The following CABP4 variants were observed in gnomAD, a reference collection of about 807,000 sequenced individuals.
CABP4 encodes the protein calcium-binding protein 4.
CABP4 carries 30 observed loss-of-function variants against 30.7 expected under a neutral mutation model. That is an observed-to-expected ratio of 0.98 (90% CI 0.73 to 1.33). The LOEUF (loss-of-function observed/expected upper bound fraction) is 1.33. Ranked by LOEUF, CABP4 falls within the 40% of genes most tolerant of loss-of-function variation. The pLI, the probability that CABP4 is intolerant of heterozygous loss-of-function variation, is 0.00. For synonymous variants in CABP4, 161 were observed against 159.2 expected, an observed-to-expected ratio of 1.01 and a Z score of -0.08; for missense variants, 424 against 395.5, an observed-to-expected ratio of 1.07 and a Z score of -0.61.
chr11:67,458,485 G>A lies in CABP4; in HGVS notation c.766G>A (p.Asp256Asn). 6.2e-7 allele frequency: 1 copy of A among 1,613,996 alleles called. No homozygotes were observed. Among genetic ancestry groups the A allele is most frequent in the Non-Finnish European group, 8.5e-7 (1 of 1,179,994 alleles). Residue 256 changes from aspartate to asparagine, a missense_variant, in exon 5 of 6, where the codon GAC (aspartate) becomes AAC (asparagine). By Grantham distance (23) the Asp-to-Asn change is conservative. Coordinates refer to ENST00000325656, the MANE Select transcript of CABP4 (RefSeq NM_145200.5). ...GCTGGACGAGATGCTCCGAGAAGTG[G>A]ACCTCAATGGGGATGGCACCGTAGA... The part of the protein sequence containing the change: ...PELDEMLREV[D>N]LNGDGTVDFD...
At chr11:67,455,248 G>T, upstream of CABP4, 1 of 837,852 alleles carries the variant, frequency 1.2e-6, no homozygotes. Context: ...GGCCAGCCCT[G>T]GGGCAGAGGA....
In CABP4 at chr11:67,457,589, C is replaced by A. The variant is rs768544037; in HGVS notation, c.558C>A (p.Asp186Glu). The change falls in exon 4 of 6, where the codon GAC becomes GAA. Residue 186 changes from aspartate to glutamate, a missense_variant. Coordinates refer to ENST00000325656, the MANE Select transcript of CABP4 (RefSeq NM_145200.5). ...HIKMRMGGRV[D>E]FEEFVELIGP... The stretch of plus-strand genomic sequence containing the variant: ...GGTCTGCAGTGGGCGGCCGTGTGGA[C>A]TTTGAGGAGTTTGTAGAACTGATAG... The A allele has an allele frequency of 6.3e-7, 1 of 1,596,418 alleles. No individual in the cohort carries two copies. Among genetic ancestry groups the A allele is most frequent in the Non-Finnish European group, 8.5e-7 (1 of 1,171,486 alleles).
chr11:67,456,332 A>G lies in CABP4; in HGVS notation c.431A>G (p.Asp144Gly). The change falls in exon 3 of 6, where the codon GAC becomes GGC. Residue 144 changes from aspartate (D) to glycine (G), a missense_variant. By Grantham distance (94) the Asp-to-Gly change is moderately conservative. Transcript: ENST00000325656. The stretch of plus-strand genomic sequence containing the variant: ...GCCGCCTTCGAGGAGTTTGACACTG[A>G]CCGTGACGGCTACATCAGCCACCGG... ...LQAAFEEFDTDRDGYISHREL... is the reference protein window; with the variant it reads ...LQAAFEEFDTGRDGYISHREL... 6.2e-7 allele frequency: 1 copy of G among 1,613,532 alleles called. No individual in the cohort carries two copies. The highest frequency in any genetic ancestry group is 8.5e-7 in the Non-Finnish European group (1 of 1,179,936).
chr11:67,457,615 GCCCAA>G lies in CABP4; in HGVS notation c.585_589del (p.Pro196AlafsTer22). 6.2e-7 allele frequency: 1 copy of G among 1,605,398 alleles called. No individual in the cohort carries two copies. The highest frequency in any genetic ancestry group is 1.1e-5 in the South Asian group (1 of 89,240). Reference sequence around the variant, plus strand: ...TTTGAGGAGTTTGTAGAACTGATAGGCCCAAAGCTGAGGGAGGAGACGGCGCACAT... The same window carrying G: ...TTTGAGGAGTTTGTAGAACTGATAGGAGCTGAGGGAGGAGACGGCGCACAT... On this transcript the variant is annotated frameshift_variant, in exon 4 of 6. Coordinates refer to ENST00000325656, the MANE Select transcript of CABP4 (RefSeq NM_145200.5). LOFTEE classifies it high-confidence loss of function.
At chr11:67,457,088 G>A (rs910844848) in intron 3 of CABP4, among the ~76,000 whole-genome samples, 10 of 152,224 alleles carry the variant, frequency 6.6e-5, no homozygotes, top group African/African-American at 2.4e-4. Context: ...TGTCCCCAAA[G>A]CTGTTGGGTG....
rs2135182082 is a variant in CABP4, at chr11:67,457,470, A to G, written c.542-103A>G. ...GGCGTGGACACGGGTGTTTCTTCCTAGGTGCAGAGCCTGGGGGTGGGGGTG... is the reference window on the plus strand; with the variant it reads ...GGCGTGGACACGGGTGTTTCTTCCTGGGTGCAGAGCCTGGGGGTGGGGGTG... On this transcript the variant is annotated intron_variant, in intron 3 of 5. Coordinates refer to ENST00000325656, the MANE Select transcript of CABP4 (RefSeq NM_145200.5). 6 of 961,432 alleles carry G rather than the reference A, an allele frequency of 6.2e-6. No individual in the cohort carries two copies. The South Asian group carries it at 7.0e-5, about 11-fold the overall frequency. The allele number at this position is 961,432 out of a possible 1,614,324, so 59.6% of individuals were successfully genotyped here.
In CABP4 at chr11:67,458,452, G is replaced by A. The variant is rs1217450312; in HGVS notation, c.733G>A (p.Gly245Ser). ...VPALLGEPLA[G>S]PELDEMLREV... Reference sequence around the variant, plus strand: ...GGCTCTGCTCGGGGAGCCGCTGGCGGGTCCTGAGCTGGACGAGATGCTCCG... The same window carrying A: ...GGCTCTGCTCGGGGAGCCGCTGGCGAGTCCTGAGCTGGACGAGATGCTCCG... Residue 245 changes from glycine to serine, a missense_variant, in exon 5 of 6, where the codon GGT becomes AGT. Coordinates refer to ENST00000325656, the MANE Select transcript of CABP4 (RefSeq NM_145200.5). 6.2e-7 allele frequency: 1 copy of A among 1,613,990 alleles called. No homozygotes were observed. Among genetic ancestry groups the A allele is most frequent in the East Asian group, 2.2e-5 (1 of 44,874 alleles).
chr11:67,455,004 C>T (rs771677931), upstream of CABP4, among the ~76,000 whole-genome samples: 1 of 152,246 alleles, frequency 6.6e-6, no homozygotes, highest in Non-Finnish European at 1.5e-5. Flanking sequence ...CTTCCCTGGT[C>T]CTCTCTGCCT....
At chr11:67,456,530 C>A (rs56769021) in intron 3 of CABP4, 88 bp downstream of exon 3, 4 of 1,521,706 alleles carry the variant, frequency 2.6e-6, no homozygotes, top group East Asian at 4.6e-5. Context: ...GGGAGTCCAT[C>A]GGGGTGCTAG....
Position 67,459,189 on chromosome 11 carries a change from G to C in CABP4, c.*530G>C, listed in dbSNP as rs866365965. On this transcript the variant is annotated 3_prime_UTR_variant, in exon 6 of 6. Transcript: ENST00000325656. ...CTGAGACCCCATTCTCCACAAAAAG[G>C]AAAAATAAAAGACAAAAAAACAAAC... The C allele has an allele frequency of 1.3e-5, 2 of 153,272 alleles. No individual in the cohort carries two copies. Among genetic ancestry groups the C allele is most frequent in the East Asian group, 3.8e-4 (2 of 5,218 alleles). The allele number at this position is 153,272 out of a possible 1,614,324, so 9.5% of individuals were successfully genotyped here. A position where few individuals can be genotyped will look rare whatever the true frequency, so the allele number is the denominator to read the frequency against.
chr11:67,452,454 T>C, upstream of CABP4: 1 of 1,612,254 alleles, frequency 6.2e-7, no homozygotes, highest in East Asian at 2.2e-5. Context: ...CCATGCCGGA[T>C]CTCTAGGATC....
chr11:67,455,967 C>A, intron 1 of CABP4, 178 bp downstream of exon 1: 2 of 1,151,512 alleles, frequency 1.7e-6, no homozygotes, highest in Non-Finnish European at 2.4e-6. Flanking sequence ...CCAGCGTGGG[C>A]GGTGGGCAGA....
At chr11:67,456,578 A>G in intron 3 of CABP4, 136 bp downstream of exon 3, 1 of 1,137,782 alleles carries the variant, frequency 8.8e-7, no homozygotes, top group Non-Finnish European at 1.3e-6. Context: ...AGGCAGGGGC[A>G]CCGGGTTCAA....
chr11:67,456,243 G>A (rs528366199), intron 2 of CABP4, 25 bp downstream of exon 2: 2 of 1,613,614 alleles, frequency 1.2e-6, no homozygotes, highest in Non-Finnish European at 1.7e-6. Flanking sequence ...CTGCTGGCAG[G>A]GGGTGGGAGC....
rs11822066 is a variant in CABP4 at position 67,460,854 on chromosome 11, G to A, written c.*2195G>A. Among the ~76,000 whole-genome samples the A allele has an allele frequency of 0.016, 2,382 of 152,038 alleles. 80 individuals are homozygous for A. The highest frequency in any genetic ancestry group is 0.054 in the African/African-American group (2,258 of 41,476). ...AAAAAAATTAGCTGGGCGTGGTGGC[G>A]GGCGCCTGTAGTCCCAGCTACTAGG... On this transcript the variant is annotated 3_prime_UTR_variant, in exon 6 of 6. Coordinates refer to ENST00000325656, the MANE Select transcript of CABP4 (RefSeq NM_145200.5).
chr11:67,458,759 C>A lies in CABP4; in HGVS notation c.*100C>A. On this transcript the variant is annotated 3_prime_UTR_variant, in exon 6 of 6. Coordinates refer to ENST00000325656, the MANE Select transcript of CABP4 (RefSeq NM_145200.5). ...GAGCCTCCAGGATGGAGATGGAGAC[C>A]CAGCAGCCCCCAGACTACTTCTATC... The A allele has an allele frequency of 1.4e-6, 2 of 1,386,874 alleles. No homozygotes were observed. The highest frequency in any genetic ancestry group is 2.0e-6 in the Non-Finnish European group (2 of 987,128). The allele number at this position is 1,386,874 out of a possible 1,614,324, so 85.9% of individuals were successfully genotyped here.
At position 67,458,383 on chromosome 11, in the gene CABP4, AG is replaced by A. The variant is rs1330908577; in HGVS notation, c.667del (p.Asp223MetfsTer41). 3 of 1,611,410 alleles carry A rather than the reference AG, an allele frequency of 1.9e-6. No homozygotes were observed. The highest frequency in any genetic ancestry group is 1.7e-6 in the Non-Finnish European group (2 of 1,178,276). ...RIAFREFDRD[R>X]DGRITVAELR... Reference sequence around the variant, plus strand: ...GCGGGGACCTTAGTTTGACAGGGACAGGGATGGACGAATTACGGTGGCGGAG... The same window carrying A: ...GCGGGGACCTTAGTTTGACAGGGACAGGATGGACGAATTACGGTGGCGGAG... On this transcript the variant is annotated frameshift_variant, in exon 5 of 6. Transcript: ENST00000325656. LOFTEE classifies it high-confidence loss of function.
In CABP4 at chr11:67,460,581, C is replaced by T. The variant is rs1234800969; in HGVS notation, c.*1922C>T. Among the ~76,000 whole-genome samples, 5 of 151,642 alleles carry T rather than the reference C, an allele frequency of 3.3e-5. No homozygotes were observed. Among genetic ancestry groups the T allele is most frequent in the Non-Finnish European group, 7.4e-5 (5 of 67,964 alleles). On this transcript the variant is annotated 3_prime_UTR_variant, in exon 6 of 6. Transcript: ENST00000325656. ...AAAAAATAATGGATAAGCTAAACAG[C>T]AGATTAAACACAATTTAAAGATTAA...
upstream of CABP4, chr11:67,452,524 C>G: frequency 1.2e-6 from 2 of 1,606,770 alleles, no homozygotes; most frequent in Non-Finnish European, 1.7e-6. Flanking sequence ...GCAGGAGCAG[C>G]GCCAGACGCG....
Sources: gnomAD v4.1 joint callset for allele counts (sites outside exome capture counted in the v4.1 genomes callset) on GRCh38, gnomAD v4.1.1 for gene constraint, MANE v1.5 for transcripts, NCBI Gene and HGNC (gene_info 2026-07-23, HGNC 2026-07-21) for gene names.